The following MYO3B variants were observed in gnomAD, a reference collection of about 807,000 sequenced individuals.
MYO3B encodes myosin IIIB.
MYO3B carries 156 observed loss-of-function variants against 174.6 expected under a neutral mutation model. The ratio of observed to expected loss-of-function variants is 0.89; its 90% CI spans 0.78 to 1.02. MYO3B has a LOEUF of 1.02. Ranked by LOEUF, MYO3B falls within the 50% of genes least tolerant of loss-of-function variation. MYO3B has a pLI of 0.00. For synonymous variants in MYO3B, 563 were observed against 569.1 expected (o/e 0.99, Z 0.15); for missense variants, 1,632 against 1,639.4 (o/e 1.00, Z 0.08).
chr2:170,571,447 T>C (rs1177939898), intron 32 of MYO3B, among the ~76,000 whole-genome samples: 1 of 152,076 alleles, frequency 6.6e-6, no homozygotes. Flanking sequence ...TGGCAGGAGA[T>C]GAGCTGGAGA....
intron 30 of MYO3B, among the ~76,000 whole-genome samples, chr2:170,540,453 T>C (rs1690015708): frequency 6.6e-6 from 1 of 152,086 alleles, no homozygotes; most frequent in African/African-American, 2.4e-5. Context: ...TTTTAAAAAT[T>C]CAATTAAATA....
At chr2:170,310,945 A>G (rs1157907033) in intron 7 of MYO3B, among the ~76,000 whole-genome samples, 1 of 152,122 alleles carries the variant, frequency 6.6e-6, no homozygotes, top group Non-Finnish European at 1.5e-5. Context: ...GGCCTGAAAC[A>G]GTCTCTCAGG....
At chr2:170,268,011 C>T (rs993457718) in intron 7 of MYO3B, among the ~76,000 whole-genome samples, 1 of 152,100 alleles carries the variant, frequency 6.6e-6, no homozygotes, top group South Asian at 2.1e-4. Flanking sequence ...AGTTCGAGAC[C>T]AGCCTGGCGA....
intron 8 of MYO3B, among the ~76,000 whole-genome samples, chr2:170,361,347 ATCTGGTTAATT>A (rs2094159661): frequency 6.6e-6 from 1 of 152,214 alleles, no homozygotes; most frequent in African/African-American, 2.4e-5. Context: ...CTGGAGAAAT[ATCTGGTTAATT>A]GCAAGGTGCT....
chr2:170,275,057 A>G (rs547471562), intron 7 of MYO3B, among the ~76,000 whole-genome samples: 4 of 152,194 alleles, frequency 2.6e-5, no homozygotes, highest in Non-Finnish European at 5.9e-5. Flanking sequence ...AAAGCAAAAT[A>G]TTATGTTCAG....
At chr2:170,334,120 C>G (rs1336445153) in intron 7 of MYO3B, 2 of 152,218 alleles carry the variant, frequency 1.3e-5, no homozygotes, top group African/African-American at 4.8e-5. Flanking sequence ...CTCTAGCCAT[C>G]ATACCCATGC....
intron 8 of MYO3B, among the ~76,000 whole-genome samples, chr2:170,341,598 A>G (rs1161184611): frequency 2.0e-5 from 3 of 152,214 alleles, no homozygotes; most frequent in Admixed American, 1.3e-4. Context: ...CTTGAGCTAC[A>G]GGGAATTAGT....
intron 2 of MYO3B, 48 bp downstream of exon 2, chr2:170,199,439 A>T: frequency 7.4e-7 from 1 of 1,344,908 alleles, no homozygotes; most frequent in East Asian, 2.5e-5. Context: ...TTTTATGCAC[A>T]CTGAGTTTTC....
intron 30 of MYO3B, among the ~76,000 whole-genome samples, chr2:170,524,067 C>T (rs1034574862): frequency 3.9e-5 from 6 of 152,028 alleles, no homozygotes; most frequent in Non-Finnish European, 5.9e-5. Flanking sequence ...AAGGACGATC[C>T]GTATATGTCA....
intron 23 of MYO3B, among the ~76,000 whole-genome samples, chr2:170,460,796 G>A (rs1327569731): frequency 6.6e-6 from 1 of 152,222 alleles, no homozygotes; most frequent in Non-Finnish European, 1.5e-5. Context: ...CCAATTTGCT[G>A]TAGGGAACTG....
At chr2:170,491,922 C>A (rs570869582) in intron 25 of MYO3B, among the ~76,000 whole-genome samples, 1 of 152,064 alleles carries the variant, frequency 6.6e-6, no homozygotes, top group African/African-American at 2.4e-5. Flanking sequence ...GGTGTGGTGG[C>A]GCATGCCTGC....
intron 32 of MYO3B, among the ~76,000 whole-genome samples, chr2:170,579,165 T>G (rs890773286): frequency 1.3e-5 from 2 of 152,170 alleles, no homozygotes; most frequent in African/African-American, 4.8e-5. Flanking sequence ...ATGTAAAGAT[T>G]TGCATTCTGT....
intron 32 of MYO3B, among the ~76,000 whole-genome samples, chr2:170,545,222 C>G (rs1559102363): frequency 6.6e-6 from 1 of 152,196 alleles, no homozygotes; most frequent in Non-Finnish European, 1.5e-5. Context: ...CTGACAGGTT[C>G]TGGCATCAGA....
rs780419273 is a variant in MYO3B at position 170,401,709 on chromosome 2, C to T, written c.2129+18C>T. The T allele has an allele frequency of 1.8e-5, 29 of 1,608,838 alleles. No homozygotes were observed. The highest frequency in any genetic ancestry group is 2.5e-5 in the Non-Finnish European group (29 of 1,178,194). Reference sequence around the variant, plus strand: ...AACATATGGCAAGTTCCTCGGAGAGCAGAGGGTCTCAGGAGAGCTGTCATT... The same window carrying T: ...AACATATGGCAAGTTCCTCGGAGAGTAGAGGGTCTCAGGAGAGCTGTCATT... On this transcript the variant is annotated intron_variant, in intron 18 of 34. Coordinates refer to ENST00000408978, the MANE Select transcript of MYO3B (RefSeq NM_138995.5).
At chr2:170,422,193 T>TTTGTTG (rs374107691) in intron 22 of MYO3B, among the ~76,000 whole-genome samples, 6 of 152,020 alleles carry the variant, frequency 3.9e-5, no homozygotes, top group Non-Finnish European at 5.9e-5. Flanking sequence ...CTTGAGTTGC[T>TTTGTTG]TTGTTGTTGT....
chr2:170,547,565 C>A (rs942263757), intron 32 of MYO3B, among the ~76,000 whole-genome samples: 4 of 151,970 alleles, frequency 2.6e-5, no homozygotes, highest in African/African-American at 7.2e-5. Flanking sequence ...TTTATTTATT[C>A]AAAAAATAAT....
chr2:170,564,285 C>T (rs1691922719), intron 32 of MYO3B, among the ~76,000 whole-genome samples: 1 of 152,088 alleles, frequency 6.6e-6, no homozygotes, highest in African/African-American at 2.4e-5. Flanking sequence ...CCAGCCTGGC[C>T]AACATGGTGA....
chr2:170,196,287 A>G (rs1185851671), intron 1 of MYO3B, among the ~76,000 whole-genome samples: 1 of 152,154 alleles, frequency 6.6e-6, no homozygotes, highest in Non-Finnish European at 1.5e-5. Context: ...CAGGAGGATC[A>G]CTGTAGCCCA....
intron 22 of MYO3B, among the ~76,000 whole-genome samples, chr2:170,435,110 C>T (rs2094742665): frequency 6.6e-6 from 1 of 152,236 alleles, no homozygotes; most frequent in African/African-American, 2.4e-5. Context: ...AGCTTGCTCC[C>T]AAACATTACC....
Sources: allele counts gnomAD v4.1 joint callset (sites outside exome capture counted in the v4.1 genomes callset), GRCh38; gene constraint gnomAD v4.1.1; transcripts MANE v1.5; gene names NCBI Gene and HGNC (gene_info 2026-07-23, HGNC 2026-07-21).